SV2C: variants seen among roughly 807,000 people sequenced by gnomAD.
The protein encoded by SV2C is solute carrier family 22 member B3.
SV2C carries 49 observed loss-of-function variants against 79.7 expected under a neutral mutation model. That is an observed-to-expected ratio of 0.61 (90% CI 0.49 to 0.78). SV2C has a LOEUF of 0.78. Among genes scored for constraint, SV2C ranks in the 30% least tolerant of loss-of-function variants. The pLI is 0.00. For missense variants in SV2C, 833 were observed against 912.9 expected (o/e 0.91, Z 1.13); for synonymous variants, 334 against 333.2 (o/e 1.00, Z -0.03).
downstream of SV2C, among the ~76,000 whole-genome samples, chr5:76,335,203 G>C (rs1749286511): frequency 6.6e-6 from 1 of 152,022 alleles, no homozygotes; most frequent in Non-Finnish European, 1.5e-5. Flanking sequence ...ACACCCCTCT[G>C]CAGGCTGTTC....
the SV2C span, among the ~76,000 whole-genome samples, chr5:75,877,032 T>A: frequency 6.6e-6 from 1 of 152,018 alleles, no homozygotes; most frequent in Non-Finnish European, 1.5e-5. Flanking sequence ...ATGATCCAAC[T>A]CTATGCTATC....
At chr5:76,258,429 G>C (rs1333610059) in intron 4 of SV2C, among the ~76,000 whole-genome samples, 1 of 152,118 alleles carries the variant, frequency 6.6e-6, no homozygotes, top group Non-Finnish European at 1.5e-5. Context: ...TAGTTGGTGA[G>C]AGCTTGATGA....
At chr5:76,141,867 A>T (rs1318238127) in intron 2 of SV2C, among the ~76,000 whole-genome samples, 1 of 151,398 alleles carries the variant, frequency 6.6e-6, no homozygotes, top group African/African-American at 2.4e-5. Context: ...AATATTAAAA[A>T]ATTAAAAATA....
At chr5:76,068,616 C>G in the SV2C span, among the ~76,000 whole-genome samples, 16 of 152,102 alleles carry the variant, frequency 1.1e-4, no homozygotes, top group South Asian at 3.1e-3. Flanking sequence ...AAATAGTTAA[C>G]ATAGTAGCAA....
chr5:76,065,618 A>G, the SV2C span, among the ~76,000 whole-genome samples: 8 of 152,128 alleles, frequency 5.3e-5, no homozygotes, highest in South Asian at 4.1e-4. Flanking sequence ...CTGTGTTTCT[A>G]TTAGCTGTAG....
At chr5:76,200,116 T>C (rs1165256244) in intron 3 of SV2C, among the ~76,000 whole-genome samples, 1 of 152,178 alleles carries the variant, frequency 6.6e-6, no homozygotes, top group East Asian at 1.9e-4. Flanking sequence ...AGCAGGGGCT[T>C]ATGGAAGGCA....
At chr5:75,895,202 T>A in the SV2C span, among the ~76,000 whole-genome samples, 11 of 152,100 alleles carry the variant, frequency 7.2e-5, no homozygotes, top group Non-Finnish European at 1.6e-4. Flanking sequence ...ATTTCCAGAG[T>A]TCCCATGCTA....
chr5:76,038,262 A>G, the SV2C span, among the ~76,000 whole-genome samples: 12 of 152,330 alleles, frequency 7.9e-5, no homozygotes, highest in South Asian at 2.1e-3. Flanking sequence ...TGTAAACCAA[A>G]TGTTTAAATG....
At chr5:75,872,560 G>T in the SV2C span, among the ~76,000 whole-genome samples, 11 of 152,092 alleles carry the variant, frequency 7.2e-5, no homozygotes, top group African/African-American at 2.2e-4. Context: ...ACTAGAAAAA[G>T]ATGCTAGTGA....
intron 10 of SV2C, 95 bp from the exon 11 acceptor site, chr5:76,300,634 A>G (rs185445121): frequency 2.9e-4 from 389 of 1,328,904 alleles, no homozygotes; most frequent in Non-Finnish European, 3.7e-4. Context: ...GGAATTTACA[A>G]TACTGGTTTC....
the SV2C span, among the ~76,000 whole-genome samples, chr5:75,981,245 A>G: frequency 6.6e-6 from 1 of 152,230 alleles, no homozygotes; most frequent in African/African-American, 2.4e-5. Context: ...AAAACATTCC[A>G]TGCTCATGGA....
At chr5:76,260,469 G>A (rs2112456034) in intron 4 of SV2C, among the ~76,000 whole-genome samples, 1 of 152,188 alleles carries the variant, frequency 6.6e-6, no homozygotes, top group South Asian at 2.1e-4. Flanking sequence ...TGTCAATTTT[G>A]GCTTTTGTTG....
At chr5:76,107,739 A>G (rs1159454327) in intron 1 of SV2C, among the ~76,000 whole-genome samples, 2 of 152,164 alleles carry the variant, frequency 1.3e-5, no homozygotes, top group Non-Finnish European at 2.9e-5. Context: ...CTCTAGTCCC[A>G]GCTACTCAGG....
chr5:76,191,258 C>CCCAGGTCCCA (rs1744095366), intron 2 of SV2C, among the ~76,000 whole-genome samples: 1 of 138,988 alleles, frequency 7.2e-6, no homozygotes, highest in African/African-American at 2.7e-5. Flanking sequence ...CTAATCACCT[C>CCCAGGTCCCA]CCAGGTCCCA....
chr5:76,223,091 G>A (rs146921184), intron 4 of SV2C, among the ~76,000 whole-genome samples: 3 of 152,174 alleles, frequency 2.0e-5, no homozygotes, highest in African/African-American at 4.8e-5. Context: ...CTGTCCAGGC[G>A]ATGCTCTCAC....
intron 2 of SV2C, among the ~76,000 whole-genome samples, chr5:76,133,237 G>A (rs1748962165): frequency 6.6e-6 from 1 of 152,168 alleles, no homozygotes; most frequent in Non-Finnish European, 1.5e-5. Flanking sequence ...TGCAAATCCT[G>A]CCTCAGAGAA....
At chr5:76,227,472 C>A (rs1239966719) in intron 4 of SV2C, among the ~76,000 whole-genome samples, 1 of 152,194 alleles carries the variant, frequency 6.6e-6, no homozygotes, top group East Asian at 1.9e-4. Context: ...TCCTACCACC[C>A]TCTCCTTGTG....
At chr5:76,139,079 A>C (rs1410066023) in intron 2 of SV2C, among the ~76,000 whole-genome samples, 1 of 152,034 alleles carries the variant, frequency 6.6e-6, no homozygotes, top group Non-Finnish European at 1.5e-5. Context: ...AGATTGTGCC[A>C]CTGCACTCCA....
At chr5:75,940,097 G>A in the SV2C span, among the ~76,000 whole-genome samples, 7 of 152,156 alleles carry the variant, frequency 4.6e-5, no homozygotes, top group East Asian at 7.7e-4. Flanking sequence ...TTTTTAATCC[G>A]TGTAATTCCA....
Sources: allele counts gnomAD v4.1 joint callset (sites outside exome capture counted in the v4.1 genomes callset), GRCh38; gene constraint gnomAD v4.1.1; transcripts MANE v1.5; gene names NCBI Gene and HGNC (gene_info 2026-07-23, HGNC 2026-07-21).